Variants in LMO2 observed in about 807,000 individuals in gnomAD.
LMO2 encodes the protein rhombotin-2.
Under a neutral mutation model 23.2 loss-of-function variants are expected in LMO2, and 20 were observed. That is an observed-to-expected ratio of 0.86 (90% CI 0.61 to 1.25). LMO2 has a LOEUF of 1.25. Ranked by LOEUF, LMO2 falls within the 50% of genes most tolerant of loss-of-function variation. The pLI, the probability that LMO2 is intolerant of heterozygous loss-of-function variation, is 0.00. For synonymous variants in LMO2, 123 were observed against 130.2 expected (o/e 0.94, Z 0.38); for missense variants, 270 against 315.3 (o/e 0.86, Z 1.09).
intron 4 of LMO2, among the ~76,000 whole-genome samples, chr11:33,866,489 G>T (rs1448798719): frequency 6.6e-6 from 1 of 152,098 alleles, no homozygotes; most frequent in East Asian, 1.9e-4. Context: ...ATAAAAAATT[G>T]CCCAGGCTTG....
At chr11:33,862,053 T>C (rs1856601820) in intron 5 of LMO2, among the ~76,000 whole-genome samples, 2 of 152,212 alleles carry the variant, frequency 1.3e-5, no homozygotes, top group African/African-American at 4.8e-5. Context: ...TATCTTAGGC[T>C]GGATATCCCA....
intron 2 of LMO2, chr11:33,870,500 T>C (rs1350054009): frequency 1.0e-6 from 1 of 986,848 alleles, no homozygotes; most frequent in Non-Finnish European, 1.2e-6. Flanking sequence ...GGCTGCGGGC[T>C]CCGGGCTGCG....
rs533720460 is a variant in LMO2, at chr11:33,858,620, T to C, written c.*736A>G. Reference sequence around the variant, plus strand: ...TTAAGCCTGCAGAGCTGTTTTTTTTTCTACACACGACAAATACTTTGATAT... The same window carrying C: ...TTAAGCCTGCAGAGCTGTTTTTTTTCCTACACACGACAAATACTTTGATAT... On this transcript the variant is annotated 3_prime_UTR_variant, in exon 6 of 6. Coordinates refer to ENST00000257818, the MANE Select transcript of LMO2 (RefSeq NM_005574.4). The C allele has an allele frequency of 4.3e-3, 777 of 182,452 alleles. 3 individuals carry two copies. Among genetic ancestry groups the C allele is most frequent in the African/African-American group, 0.017 (737 of 42,568 alleles). 11.3% of individuals were successfully genotyped at this position (182,452 alleles called of 1,614,324 possible). A position where few individuals can be genotyped will look rare whatever the true frequency, so the allele number is the denominator to read the frequency against.
chr11:33,861,020 TTC>T (rs1241444277), intron 5 of LMO2, among the ~76,000 whole-genome samples: 2 of 152,184 alleles, frequency 1.3e-5, no homozygotes, highest in African/African-American at 4.8e-5. Context: ...AGACCTCTGA[TTC>T]TCTGAGCCTC....
intron 2 of LMO2, among the ~76,000 whole-genome samples, chr11:33,879,459 TAAA>T (rs750003431): frequency 2.6e-4 from 32 of 125,476 alleles, no homozygotes; most frequent in African/African-American, 5.7e-4. Flanking sequence ...TGTCTCTACT[TAAA>T]AAAAAAAAAA....
At chr11:33,876,741 T>C (rs779411699) in intron 2 of LMO2, among the ~76,000 whole-genome samples, 24 of 152,318 alleles carry the variant, frequency 1.6e-4, no homozygotes, top group Middle Eastern at 3.4e-3. Flanking sequence ...GTCAATCATA[T>C]GAGTAAAAGC....
intron 2 of LMO2, chr11:33,881,538 A>T (rs1857284292): frequency 1.2e-4 from 44 of 368,922 alleles, no homozygotes; most frequent in South Asian, 8.7e-4. Flanking sequence ...GCATCTTTTT[A>T]ACCCTGAAAA....
chr11:33,859,022 ACTCT>A lies in LMO2; in HGVS notation c.*330_*333del, dbSNP rs1286759926. ...AGTCACAACAAGTCTGTACACAACA[ACTCT>A]CTATCTGTAGATATGAAATTCCATC... On this transcript the variant is annotated 3_prime_UTR_variant, in exon 6 of 6. Coordinates refer to ENST00000257818, the MANE Select transcript of LMO2 (RefSeq NM_005574.4). 8.4e-6 allele frequency: 3 copies of A among 356,916 alleles called. No homozygotes were observed. Among genetic ancestry groups the A allele is most frequent in the Non-Finnish European group, 1.6e-5 (3 of 192,474 alleles). 22.1% of individuals were successfully genotyped at this position (356,916 alleles called of 1,614,324 possible).
At chr11:33,886,523 G>A (rs545013531) in intron 1 of LMO2, among the ~76,000 whole-genome samples, 1 of 152,276 alleles carries the variant, frequency 6.6e-6, no homozygotes, top group East Asian at 1.9e-4. Context: ...GCGCTGAGTA[G>A]GGAAACTGTG....
chr11:33,861,028 G>A lies in LMO2; in HGVS notation c.465-1453C>T, dbSNP rs145141672. 7.3e-3 allele frequency among the ~76,000 whole-genome samples: 1,110 copies of A among 152,308 alleles called. 13 individuals carry two copies. The highest frequency in any genetic ancestry group is 0.025 in the African/African-American group (1,035 of 41,576). On this transcript the variant is annotated intron_variant, in intron 5 of 5. Transcript: ENST00000257818. The stretch of plus-strand genomic sequence containing the variant: ...CCTGGAGAGACCTCTGATTCTCTGA[G>A]CCTCAGTGAAATGGCAGCCATCATA...
intron 5 of LMO2, among the ~76,000 whole-genome samples, chr11:33,860,501 C>G (rs1369636751): frequency 6.6e-6 from 1 of 152,172 alleles, no homozygotes; most frequent in Non-Finnish European, 1.5e-5. Flanking sequence ...CAGTGGCTCA[C>G]ACCTGTAATC....
chr11:33,870,070 CTT>C (rs10608793), intron 2 of LMO2, 83 bp from the exon 3 acceptor site: 8,783 of 237,116 alleles, frequency 0.037, 291 homozygotes, highest in African/African-American at 0.13. Flanking sequence ...TTTTTTCTTC[CTT>C]TTTTTTTTTT....
At position 33,864,568 on chromosome 11, in the gene LMO2, T is replaced by C; in HGVS notation, c.464+34A>G. ...ATGTCCATGGACCACCCAGCCTCCC[T>C]TCCGAGGGCCCAGTGGAGTGCCGGG... On this transcript the variant is annotated intron_variant, in intron 5 of 5. Transcript: ENST00000257818. The surrounding 1 kb of genome is among the most constrained non-coding windows in gnomAD (Gnocchi z 4.8). 6.3e-7 allele frequency: 1 copy of C among 1,582,246 alleles called. No homozygotes were observed. Among genetic ancestry groups the C allele is most frequent in the South Asian group, 1.1e-5 (1 of 89,028 alleles).
At chr11:33,890,400 G>A (rs1857516793) in intron 1 of LMO2, among the ~76,000 whole-genome samples, 1 of 152,142 alleles carries the variant, frequency 6.6e-6, no homozygotes, top group African/African-American at 2.4e-5. Context: ...CACCCAGGCT[G>A]GAGTGCAATA....
At chr11:33,887,567 C>G (rs1857442916) in intron 1 of LMO2, among the ~76,000 whole-genome samples, 1 of 128,532 alleles carries the variant, frequency 7.8e-6, no homozygotes. Context: ...TTTTTTGAGA[C>G]AGGGTCTTGC....
At chr11:33,883,364 AG>A (rs1166434313) in intron 1 of LMO2, among the ~76,000 whole-genome samples, 3 of 152,262 alleles carry the variant, frequency 2.0e-5, no homozygotes, top group Non-Finnish European at 4.4e-5. Context: ...GTTGGCACAT[AG>A]GCCATGTATT....
chr11:33,883,593 G>A (rs964072646), intron 1 of LMO2, among the ~76,000 whole-genome samples: 1 of 152,208 alleles, frequency 6.6e-6, no homozygotes, highest in Admixed American at 6.5e-5. Flanking sequence ...GGAGAGATCA[G>A]AGTGGATGGA....
At chr11:33,889,422 G>C (rs530489225) in intron 1 of LMO2, among the ~76,000 whole-genome samples, 1 of 152,148 alleles carries the variant, frequency 6.6e-6, no homozygotes, top group Non-Finnish European at 1.5e-5. Flanking sequence ...CAACAGAATC[G>C]CTGAGCAGTT....
At chr11:33,890,985 T>G (rs1053486615) in intron 1 of LMO2, among the ~76,000 whole-genome samples, 1 of 152,202 alleles carries the variant, frequency 6.6e-6, no homozygotes, top group Non-Finnish European at 1.5e-5. Context: ...TGGGTTGGTT[T>G]TCTTTAAGCT....
Sources: allele counts gnomAD v4.1 joint callset (sites outside exome capture counted in the v4.1 genomes callset), GRCh38; gene constraint gnomAD v4.1.1; non-coding constraint Gnocchi (gnomAD v3.1); transcripts MANE v1.5; gene names NCBI Gene and HGNC (gene_info 2026-07-23, HGNC 2026-07-21).